The following BICD2 variants were observed in gnomAD, a reference collection of about 807,000 sequenced individuals.
BICD2 encodes the protein BICD cargo adaptor 2.
A neutral mutation model predicts 72.9 loss-of-function variants in BICD2; 25 were observed. The observed-to-expected ratio is 0.34, with a 90% CI of 0.25 to 0.48. The LOEUF (loss-of-function observed/expected upper bound fraction) is 0.48, where lower values mean the gene tolerates loss of function less well. BICD2 is among the 20% of genes least tolerant of loss of function. The probability of loss-of-function intolerance (pLI) is 0.99; values close to 1 mark genes in which losing one functional copy is unlikely to be tolerated. For missense variants in BICD2, 894 were observed against 1,175.2 expected (o/e 0.76, Z 3.50); for synonymous variants, 501 against 516.1 (o/e 0.97, Z 0.40).
rs140256497 is a variant in BICD2 at position 92,754,546 on chromosome 9, G to C, written c.240+9959C>G. ...CCTGATCCAATCAGTGAACAGGGAA[G>C]TGCAACTTAAACCACAATGAGATGC... is the stretch of plus-strand genomic sequence containing the variant. On this transcript the variant is annotated intron_variant, in intron 1 of 6. Coordinates refer to ENST00000356884, the MANE Select transcript of BICD2 (RefSeq NM_001003800.2). 7.8e-3 allele frequency among the ~76,000 whole-genome samples: 1,194 copies of C among 152,314 alleles called. 15 individuals carry two copies. The highest frequency in any genetic ancestry group is 0.027 in the African/African-American group (1,118 of 41,564).
chr9:92,715,108 T>C lies in BICD2; in HGVS notation c.*46A>G. The C allele has an allele frequency of 2.6e-6, 4 of 1,531,510 alleles. No homozygotes were observed. The highest frequency in any genetic ancestry group is 3.5e-6 in the Non-Finnish European group (4 of 1,135,912). The allele number at this position is 1,531,510 out of a possible 1,614,324, so 94.9% of individuals were successfully genotyped here. A position where few individuals can be genotyped will look rare whatever the true frequency, so the allele number is the denominator to read the frequency against. On this transcript the variant is annotated 3_prime_UTR_variant, in exon 7 of 7. Coordinates refer to ENST00000356884, the MANE Select transcript of BICD2 (RefSeq NM_001003800.2). ...GCCGTCCCGCTGCTGCTGGGTTAGT[T>C]GAGGTGAAGCAGATGTTAGCTGCAG...
intron 1 of BICD2, among the ~76,000 whole-genome samples, chr9:92,749,575 C>T (rs986726872): frequency 6.6e-6 from 1 of 152,244 alleles, no homozygotes; most frequent in Admixed American, 6.5e-5. Flanking sequence ...CCCTGGGCAA[C>T]GTCCAAATGC....
In BICD2 at chr9:92,715,376, C is replaced by T; in HGVS notation, c.2346G>A (p.Leu782=). ...EDEKKTLNSL[L]RMAIQQKLAL... ...CCAGCTTCTGCTGGATGGCCATGCG[C>T]AGCAGCGAGTTCAGCGTCTTCTTCT... is the stretch of plus-strand genomic sequence containing the variant. Residue 782 remains leucine, a synonymous_variant, in exon 7 of 7, where the codon CTG becomes CTA. Transcript: ENST00000356884. 1.2e-6 allele frequency: 2 copies of T among 1,612,340 alleles called. No homozygotes were observed. The highest frequency in any genetic ancestry group is 2.2e-5 in the South Asian group (2 of 91,056).
intron 1 of BICD2, 70 bp from the exon 2 acceptor site, chr9:92,729,306 C>T (rs1319646025): frequency 6.6e-7 from 1 of 1,504,562 alleles, no homozygotes; most frequent in Non-Finnish European, 9.1e-7. Context: ...ACCCAGCTCA[C>T]AGGCGACATT....
At chr9:92,739,190 C>A (rs1853849462) in intron 1 of BICD2, among the ~76,000 whole-genome samples, 1 of 152,250 alleles carries the variant, frequency 6.6e-6, no homozygotes, top group Admixed American at 6.5e-5. Flanking sequence ...TCAGCACCCA[C>A]CTTTCCACCC....
rs1218503905 is a variant in BICD2 at position 92,715,093 on chromosome 9, T to C, written c.*61A>G. 5.3e-6 allele frequency: 8 copies of C among 1,522,850 alleles called. No individual in the cohort carries two copies. The highest frequency in any genetic ancestry group is 6.2e-6 in the Non-Finnish European group (7 of 1,132,670). The allele number at this position is 1,522,850 out of a possible 1,614,324, so 94.3% of individuals were successfully genotyped here. A position where few individuals can be genotyped will look rare whatever the true frequency, so the allele number is the denominator to read the frequency against. ...GATTGACCTAGCACCGCCGTCCCGC[T>C]GCTGCTGGGTTAGTTGAGGTGAAGC... is the stretch of plus-strand genomic sequence containing the variant. On this transcript the variant is annotated 3_prime_UTR_variant, in exon 7 of 7. Transcript: ENST00000356884.
At chr9:92,753,988 C>CA (rs1854203937) in intron 1 of BICD2, among the ~76,000 whole-genome samples, 1 of 150,974 alleles carries the variant, frequency 6.6e-6, no homozygotes, top group African/African-American at 2.4e-5. Context: ...ACTAAAAATA[C>CA]AAAAAAATTA....
rs111250580 is a variant in BICD2 at position 92,720,273 on chromosome 9, G to A, written c.1062+27C>T. ...CCTGCAGACCTGGAGTGGGGACAGC[G>A]TGCCGAAGGCCCCACTGCCTGCTCA... On this transcript the variant is annotated intron_variant, in intron 4 of 6. Transcript: ENST00000356884. The surrounding 1 kb of genome is among the most constrained non-coding windows in gnomAD (Gnocchi z 5.4). 289 of 1,584,414 alleles carry A rather than the reference G, an allele frequency of 1.8e-4. 3 individuals carry two copies. The highest frequency in any genetic ancestry group is 4.0e-4 in the African/African-American group (30 of 74,588).
intron 1 of BICD2, among the ~76,000 whole-genome samples, chr9:92,753,688 G>A (rs1459386985): frequency 2.0e-5 from 3 of 151,598 alleles, no homozygotes; most frequent in African/African-American, 4.8e-5. Context: ...ACAGGCACCC[G>A]CCACCAAGGC....
chr9:92,763,713 C>G (rs150344553), intron 1 of BICD2, among the ~76,000 whole-genome samples: 2 of 152,222 alleles, frequency 1.3e-5, no homozygotes, highest in Non-Finnish European at 2.9e-5. Context: ...ACTCTCCCCC[C>G]AGTGGGAATG....
At chr9:92,723,020 C>T (rs1853495852) in intron 2 of BICD2, among the ~76,000 whole-genome samples, 1 of 147,018 alleles carries the variant, frequency 6.8e-6, no homozygotes, top group Non-Finnish European at 1.5e-5. Flanking sequence ...TAAATTCCCT[C>T]AGCCCTTCTC....
intron 5 of BICD2, 104 bp downstream of exon 5, chr9:92,718,435 G>T: frequency 7.3e-7 from 1 of 1,365,062 alleles, no homozygotes; most frequent in Non-Finnish European, 9.9e-7. Context: ...TGGTGGTGAC[G>T]CAGGCCTGGG....
At chr9:92,743,833 G>A (rs563465976) in intron 1 of BICD2, among the ~76,000 whole-genome samples, 43 of 152,270 alleles carry the variant, frequency 2.8e-4, no homozygotes, top group Middle Eastern at 3.4e-3. Flanking sequence ...AAGAACATTG[G>A]AAGAAGGTCT....
rs776734115 is a variant in BICD2, at chr9:92,719,565, C to T, written c.1080G>A (p.Ala360=). 13 of 1,604,758 alleles carry T rather than the reference C, an allele frequency of 8.1e-6. No homozygotes were observed. In the East Asian group the frequency reaches 8.9e-5, roughly 11 times the overall value. ...QQLMQMEREK[A]GLLATLQDTQ... ...TGTCCTGCAGCGTTGCCAGCAGGCCCGCCTTTTCCCGCTCCATCTGCAAAG... is the reference window on the plus strand; with the variant it reads ...TGTCCTGCAGCGTTGCCAGCAGGCCTGCCTTTTCCCGCTCCATCTGCAAAG... The change falls in exon 5 of 7, where the codon GCG becomes GCA. Residue 360 remains alanine (A), a synonymous_variant. Coordinates refer to ENST00000356884, the MANE Select transcript of BICD2 (RefSeq NM_001003800.2).
At chr9:92,743,708 C>T (rs1257948003) in intron 1 of BICD2, among the ~76,000 whole-genome samples, 1 of 152,170 alleles carries the variant, frequency 6.6e-6, no homozygotes, top group Non-Finnish European at 1.5e-5. Context: ...CTGCTCCATG[C>T]TGGGTCCTTC....
intron 1 of BICD2, among the ~76,000 whole-genome samples, chr9:92,751,434 G>A (rs1194599375): frequency 6.6e-6 from 1 of 152,110 alleles, no homozygotes; most frequent in Non-Finnish European, 1.5e-5. Context: ...GTGAGCCACT[G>A]AGCCCAGCCC....
At chr9:92,742,014 TA>T (rs1853906119) in intron 1 of BICD2, among the ~76,000 whole-genome samples, 2 of 152,106 alleles carry the variant, frequency 1.3e-5, no homozygotes, top group South Asian at 4.1e-4. Flanking sequence ...ACTAGAAACA[TA>T]AGATTTATCC....
chr9:92,758,289 C>G (rs563055658), intron 1 of BICD2, among the ~76,000 whole-genome samples: 2 of 151,604 alleles, frequency 1.3e-5, no homozygotes, highest in East Asian at 3.9e-4. Context: ...CAGTGGCTCA[C>G]GCCTGTAATC....
chr9:92,742,088 T>G (rs1182839377), intron 1 of BICD2, among the ~76,000 whole-genome samples: 1 of 152,196 alleles, frequency 6.6e-6, no homozygotes, highest in African/African-American at 2.4e-5. Context: ...AGACAGAATG[T>G]AAGTTGGAAG....
Sources: gnomAD v4.1 joint callset for allele counts (sites outside exome capture counted in the v4.1 genomes callset) on GRCh38, gnomAD v4.1.1 for gene constraint, Gnocchi (gnomAD v3.1) non-coding constraint, MANE v1.5 for transcripts, NCBI Gene and HGNC (gene_info 2026-07-23, HGNC 2026-07-21) for gene names.